The following ANK1 variants were observed in gnomAD, a reference collection of about 807,000 sequenced individuals.
ANK1 encodes the protein ankyrin-1.
A neutral mutation model predicts 210.4 loss-of-function variants in ANK1; 51 were observed. That is an observed-to-expected ratio of 0.24 (90% CI 0.19 to 0.31). The LOEUF (loss-of-function observed/expected upper bound fraction) is 0.31. ANK1 is among the 10% of genes least tolerant of loss of function. ANK1 has a pLI of 1.00. For synonymous variants in ANK1, 967 were observed against 1,025.9 expected (o/e 0.94, Z 1.10); for missense variants, 2,051 against 2,504.4 (o/e 0.82, Z 3.86).
intron 1 of ANK1, among the ~76,000 whole-genome samples, chr8:41,812,776 T>G (rs1039673212): frequency 6.6e-6 from 1 of 152,100 alleles, no homozygotes; most frequent in Admixed American, 6.5e-5. Flanking sequence ...TCATCAGACA[T>G]TAGTTAAATT....
At position 41,694,297 on chromosome 8, in the gene ANK1, G is replaced by C. The variant is rs1354435518; in HGVS notation, c.3328-195C>G. 6.6e-6 allele frequency among the ~76,000 whole-genome samples: 1 copy of C among 152,168 alleles called. No individual in the cohort carries two copies. Among genetic ancestry groups the C allele is most frequent in the African/African-American group, 2.4e-5 (1 of 41,444 alleles). On this transcript the variant is annotated intron_variant, in intron 28 of 42. Transcript: ENST00000289734. The surrounding 1 kb of genome is among the most constrained non-coding windows in gnomAD (Gnocchi z 5.7). The stretch of plus-strand genomic sequence containing the variant: ...TTCTCCTCTGCTTCTTACTCCCAGG[G>C]CTGGTGCATCTTTGCTAGCACCACA...
intron 1 of ANK1, among the ~76,000 whole-genome samples, chr8:41,865,800 C>T (rs28378799): frequency 0.012 from 1,802 of 152,240 alleles, 32 homozygotes; most frequent in African/African-American, 0.041. Context: ...CCTGATTTTC[C>T]CCCAGGACTC....
At chr8:41,679,916 A>G (rs1815437861) in intron 37 of ANK1, among the ~76,000 whole-genome samples, 1 of 151,942 alleles carries the variant, frequency 6.6e-6, no homozygotes, top group African/African-American at 2.4e-5. Context: ...CACTTCATTT[A>G]TTTCCCATGC....
At position 41,740,843 on chromosome 8, in the gene ANK1, G is replaced by A. The variant is rs1392175305; in HGVS notation, c.130-6774C>T. On this transcript the variant is annotated intron_variant, in intron 2 of 42. Coordinates refer to ENST00000289734, the MANE Select transcript of ANK1 (RefSeq NM_000037.4). Reference sequence around the variant, plus strand: ...CAAACCAGGCCCAACTGGCAGACCTGTGGGCTTCAGCCTGGGGCCAGGCAC... The same window carrying A: ...CAAACCAGGCCCAACTGGCAGACCTATGGGCTTCAGCCTGGGGCCAGGCAC... 3.3e-5 allele frequency among the ~76,000 whole-genome samples: 5 copies of A among 152,316 alleles called. No homozygotes were observed. In the East Asian group the frequency reaches 9.7e-4, roughly 29 times the overall value.
chr8:41,764,036 A>G (rs1841179684), intron 1 of ANK1, among the ~76,000 whole-genome samples: 1 of 151,002 alleles, frequency 6.6e-6, no homozygotes, highest in Non-Finnish European at 1.5e-5. Flanking sequence ...TAATTCCACA[A>G]TGTATTTACT....
At chr8:41,785,781 G>A (rs1846224402) in intron 1 of ANK1, among the ~76,000 whole-genome samples, 1 of 152,218 alleles carries the variant, frequency 6.6e-6, no homozygotes, top group South Asian at 2.1e-4. Flanking sequence ...CTCACTGCAA[G>A]GGTCCTCCCG....
rs75059863 is a variant in ANK1, at chr8:41,691,893, C to T, written c.3858+755G>A. 1.1e-3 allele frequency among the ~76,000 whole-genome samples: 170 copies of T among 152,310 alleles called. 2 individuals are homozygous for T. The East Asian group carries it at 0.031, about 28-fold the overall frequency. On this transcript the variant is annotated intron_variant, in intron 31 of 42. Coordinates refer to ENST00000289734, the MANE Select transcript of ANK1 (RefSeq NM_000037.4). ...ATTTAATAGAGATGGTGTCTCACTA[C>T]GTTGTCCAGACTGGTCTCAAACTCC...
intron 1 of ANK1, among the ~76,000 whole-genome samples, chr8:41,879,320 G>C (rs1474078509): frequency 2.0e-5 from 3 of 152,102 alleles, no homozygotes; most frequent in Non-Finnish European, 4.4e-5. Flanking sequence ...GATAATGAAG[G>C]TGGCATCTAG....
chr8:41,696,242 A>G, intron 26 of ANK1, 121 bp downstream of exon 26: 1 of 1,135,436 alleles, frequency 8.8e-7, no homozygotes, highest in Non-Finnish European at 1.3e-6. Context: ...TTCGTGTGTC[A>G]GGAAAAGTCA....
Position 41,690,593 on chromosome 8 carries a change from C to T in ANK1, c.3865G>A (p.Glu1289Lys). The change falls in exon 32 of 43, where the codon GAA becomes AAA. Residue 1289 changes from glutamate (E) to lysine (K), a missense_variant. By Grantham distance (56) the Glu-to-Lys change is moderately conservative. Around this residue, in one of 6 missense-constraint regions of ANK1, gnomAD observed 1,413 missense variants for 1,707.4 expected, o/e 0.83. Transcript: ENST00000289734. ...AGTTCTGCAAACAGGGACATTCCTT[C>T]CAACACCTGCAGGAGAGGAAAAGCA... The part of the protein sequence containing the change: ...VARSRDIEVL[E>K]GMSLFAELSG... 6.2e-7 allele frequency: 1 copy of T among 1,612,868 alleles called. No homozygotes were observed. The highest frequency in any genetic ancestry group is 1.3e-5 in the African/African-American group (1 of 75,058).
chr8:41,775,697 T>C (rs564241301), intron 1 of ANK1, among the ~76,000 whole-genome samples: 6 of 152,248 alleles, frequency 3.9e-5, no homozygotes, highest in Non-Finnish European at 8.8e-5. Flanking sequence ...CTGGGCAACA[T>C]AGCAAGATCT....
At position 41,803,053 on chromosome 8, in the gene ANK1, AAGAG is replaced by A. The variant is rs1231561109; in HGVS notation, c.127-44920_127-44917del. Among the ~76,000 whole-genome samples the A allele has an allele frequency of 5.0e-5, 4 of 80,492 alleles. No individual in the cohort carries two copies. In the East Asian group the frequency reaches 9.1e-4, roughly 18 times the overall value. 52.8% of individuals were successfully genotyped at this position (80,492 alleles called of 152,430 possible). On this transcript the variant is annotated intron_variant, in intron 1 of 42. Coordinates refer to the ANK1 transcript ENST00000265709. The stretch of plus-strand genomic sequence containing the variant: ...AGAAAGAAAGAAAGAGAAAGAAAGA[AAGAG>A]AGAAAGGAAGGAAGGAAGGAAGGAA...
At chr8:41,730,322 G>A (rs187339413) in intron 3 of ANK1, among the ~76,000 whole-genome samples, 2 of 152,314 alleles carry the variant, frequency 1.3e-5, no homozygotes, top group African/African-American at 4.8e-5. Flanking sequence ...ATAAAGCCTG[G>A]GGCTGGGTGC....
chr8:41,896,697 G>T, exon 1 of ANK1: 1 of 373,808 alleles, frequency 2.7e-6, no homozygotes, highest in Non-Finnish European at 4.0e-6. Flanking sequence ...GGATGGCGCT[G>T]CCGCCGCGGC....
intron 2 of ANK1, among the ~76,000 whole-genome samples, chr8:41,756,794 G>C (rs1354329367): frequency 6.6e-6 from 1 of 152,176 alleles, no homozygotes; most frequent in Non-Finnish European, 1.5e-5. Context: ...AGTAGATGAG[G>C]GGGTAGGACA....
At chr8:41,760,255 G>A (rs1840094417) in intron 1 of ANK1, among the ~76,000 whole-genome samples, 1 of 152,188 alleles carries the variant, frequency 6.6e-6, no homozygotes, top group Non-Finnish European at 1.5e-5. Context: ...TGCCCTGGGA[G>A]GGATCTGGTG....
At chr8:41,863,252 G>A (rs1474432012) in intron 1 of ANK1, among the ~76,000 whole-genome samples, 3 of 149,880 alleles carry the variant, frequency 2.0e-5, no homozygotes, top group South Asian at 2.1e-4. Flanking sequence ...CCAGCTACTC[G>A]GGAGGCTGAG....
chr8:41,882,599 G>A (rs10090162), intron 1 of ANK1, among the ~76,000 whole-genome samples: 1,636 of 152,308 alleles, frequency 0.011, 23 homozygotes, highest in African/African-American at 0.037. Flanking sequence ...AGAATCCCGA[G>A]TCCTTGGAAA....
Position 41,655,289 on chromosome 8 carries a change from T to G in ANK1, c.*501A>C. 5.9e-6 allele frequency: 1 copy of G among 169,828 alleles called. No homozygotes were observed. The highest frequency in any genetic ancestry group is 5.7e-5 in the Admixed American group (1 of 17,506). 10.5% of individuals were successfully genotyped at this position (169,828 alleles called of 1,614,324 possible). The stretch of plus-strand genomic sequence containing the variant: ...GCTTAAGATTAAGGTGTTAAACTGA[T>G]TTCATGCCTAGTTTTCTTTTTTTTT... On this transcript the variant is annotated 3_prime_UTR_variant, in exon 43 of 43. Coordinates refer to ENST00000289734, the MANE Select transcript of ANK1 (RefSeq NM_000037.4).
Sources: gnomAD v4.1 joint callset for allele counts (sites outside exome capture counted in the v4.1 genomes callset) on GRCh38, gnomAD v4.1.1 for gene constraint, gnomAD v4.1.1 regional missense constraint, Gnocchi (gnomAD v3.1) non-coding constraint, MANE v1.5 for transcripts, NCBI Gene and HGNC (gene_info 2026-07-23, HGNC 2026-07-21) for gene names.